The following PARD3B variants were observed in gnomAD, a reference collection of about 807,000 sequenced individuals.
PARD3B encodes the protein par-3 family cell polarity regulator beta.
Under a neutral mutation model 130.2 loss-of-function variants are expected in PARD3B, and 103 were observed. That is an observed-to-expected ratio of 0.79 (90% CI 0.67 to 0.93). The LOEUF is 0.93. Among genes scored for constraint, PARD3B ranks in the 40% least tolerant of loss-of-function variants. The pLI is 0.00. For synonymous variants in PARD3B, 583 were observed against 553.2 expected (o/e 1.05, Z -0.76); for missense variants, 1,609 against 1,499.2 (o/e 1.07, Z -1.21).
At chr2:204,876,997 A>G (rs2045869791) in intron 2 of PARD3B, among the ~76,000 whole-genome samples, 1 of 152,272 alleles carries the variant, frequency 6.6e-6, no homozygotes, top group Non-Finnish European at 1.5e-5. Flanking sequence ...AGGAATCGCC[A>G]CACACTCTAG....
At chr2:205,437,786 C>T (rs971430237) in intron 19 of PARD3B, among the ~76,000 whole-genome samples, 10 of 152,070 alleles carry the variant, frequency 6.6e-5, no homozygotes, top group South Asian at 2.1e-4. Context: ...ACAATTCAAA[C>T]GCAGTTTGCT....
rs11904369 is a variant in PARD3B, at chr2:205,212,375, C to T, written c.2140+19055C>T. Among the ~76,000 whole-genome samples the T allele has an allele frequency of 2.8e-3, 426 of 152,188 alleles. 2 individuals are homozygous for T. The highest frequency in any genetic ancestry group is 8.9e-3 in the African/African-American group (369 of 41,558). ...TGTAATAAATGCAGCATTTCCCAAACTCATTTGATCACAGAAACTTTGAGT... is the reference window on the plus strand; with the variant it reads ...TGTAATAAATGCAGCATTTCCCAAATTCATTTGATCACAGAAACTTTGAGT... On this transcript the variant is annotated intron_variant, in intron 15 of 22. Transcript: ENST00000406610.
At chr2:204,937,170 CTG>C (rs1038714317) in intron 2 of PARD3B, among the ~76,000 whole-genome samples, 32 of 152,236 alleles carry the variant, frequency 2.1e-4, no homozygotes, top group African/African-American at 7.5e-4. Flanking sequence ...GAGAGAAAGA[CTG>C]AGACTTGCTT....
chr2:204,725,557 TA>T (rs2039185820), intron 2 of PARD3B, among the ~76,000 whole-genome samples: 1 of 152,192 alleles, frequency 6.6e-6, no homozygotes, highest in African/African-American at 2.4e-5. Context: ...TTCTTTTCCA[TA>T]ATGGTGTCAT....
At chr2:205,509,137 C>G (rs535443318) in intron 21 of PARD3B, among the ~76,000 whole-genome samples, 15 of 152,124 alleles carry the variant, frequency 9.9e-5, no homozygotes, top group African/African-American at 2.7e-4. Context: ...AACATGTTTA[C>G]AGGCAGTCCC....
intron 22 of PARD3B, among the ~76,000 whole-genome samples, chr2:205,556,613 C>A (rs1489678132): frequency 3.3e-5 from 5 of 152,188 alleles, no homozygotes; most frequent in Non-Finnish European, 5.9e-5. Flanking sequence ...CTCCTGCCTC[C>A]TAAGAAAAAT....
chr2:204,627,669 G>GT (rs1022207714), intron 1 of PARD3B, among the ~76,000 whole-genome samples: 2 of 151,996 alleles, frequency 1.3e-5, no homozygotes, highest in Admixed American at 6.6e-5. Flanking sequence ...TTTATTGATA[G>GT]TTTTTTTCCC....
chr2:205,048,568 T>C (rs775751094), intron 4 of PARD3B: 8 of 152,202 alleles, frequency 5.3e-5, no homozygotes, highest in Non-Finnish European at 1.0e-4. Context: ...AGACTCTTTC[T>C]CACTTTAAGT....
chr2:205,379,820 A>C (rs1384582129), intron 18 of PARD3B, among the ~76,000 whole-genome samples: 3 of 152,022 alleles, frequency 2.0e-5, no homozygotes, highest in East Asian at 1.9e-4. Flanking sequence ...TTATAATCCC[A>C]GCACTTTGTG....
intron 2 of PARD3B, among the ~76,000 whole-genome samples, chr2:204,874,021 T>C (rs969607097): frequency 2.0e-5 from 3 of 152,104 alleles, no homozygotes; most frequent in African/African-American, 7.2e-5. Context: ...CGGGTACCTG[T>C]AATCCCAGCT....
intron 16 of PARD3B, among the ~76,000 whole-genome samples, chr2:205,254,331 G>A (rs115047965): frequency 0.014 from 2,109 of 152,146 alleles, 47 homozygotes; most frequent in African/African-American, 0.048. Flanking sequence ...TGGAAAATCT[G>A]AAGGTGAGCT....
intron 21 of PARD3B, among the ~76,000 whole-genome samples, chr2:205,539,469 A>G (rs528570608): frequency 5.8e-4 from 88 of 152,282 alleles, no homozygotes; most frequent in African/African-American, 2.0e-3. Flanking sequence ...TAGAGCAGGT[A>G]TGTGCACAGC....
intron 11 of PARD3B, 79 bp from the exon 12 acceptor site, chr2:205,172,132 T>A (rs528049906): frequency 7.1e-7 from 1 of 1,412,536 alleles, no homozygotes; most frequent in East Asian, 2.3e-5. Flanking sequence ...ATTTTTAAAC[T>A]TGAACTTTTC....
chr2:205,039,496 A>G (rs1575612300), intron 3 of PARD3B, among the ~76,000 whole-genome samples: 1 of 151,874 alleles, frequency 6.6e-6, no homozygotes, highest in African/African-American at 2.4e-5. Flanking sequence ...TTGAGACGGA[A>G]TCTCGCTTTG....
intron 16 of PARD3B, among the ~76,000 whole-genome samples, chr2:205,285,647 T>A (rs1240490222): frequency 6.6e-6 from 1 of 152,176 alleles, no homozygotes; most frequent in Non-Finnish European, 1.5e-5. Flanking sequence ...GCCGATGTTC[T>A]CCGCTGTCGC....
At chr2:204,695,423 G>GTATTGA (rs1427211391) in intron 2 of PARD3B, among the ~76,000 whole-genome samples, 1 of 152,006 alleles carries the variant, frequency 6.6e-6, no homozygotes, top group East Asian at 1.9e-4. Flanking sequence ...GTACCTGTGT[G>GTATTGA]TATTGATTCA....
intron 20 of PARD3B, among the ~76,000 whole-genome samples, chr2:205,490,445 A>G (rs1203815160): frequency 6.6e-6 from 1 of 152,178 alleles, no homozygotes; most frequent in African/African-American, 2.4e-5. Flanking sequence ...ACATGAATTC[A>G]TCATTTTTTA....
intron 1 of PARD3B, among the ~76,000 whole-genome samples, chr2:204,634,860 A>G (rs1386155688): frequency 1.3e-5 from 2 of 152,146 alleles, no homozygotes; most frequent in African/African-American, 2.4e-5. Context: ...ATATTCTTCC[A>G]TTCTTTCTTC....
rs575124445 is a variant in PARD3B, at chr2:204,728,419, T to C, written c.222+42137T>C. Among the ~76,000 whole-genome samples, 5 of 152,188 alleles carry C rather than the reference T, an allele frequency of 3.3e-5. No homozygotes were observed. In the South Asian group the frequency reaches 1.0e-3, roughly 32 times the overall value. ...GAAGAAGAAATCCTACACAAGTTCA[T>C]GTGTAATGGGCCAGCTGGGCTGTGT... On this transcript the variant is annotated intron_variant, in intron 2 of 22. Transcript: ENST00000406610.
Sources: gnomAD v4.1 joint callset for allele counts (sites outside exome capture counted in the v4.1 genomes callset) on GRCh38, gnomAD v4.1.1 for gene constraint, MANE v1.5 for transcripts, NCBI Gene and HGNC (gene_info 2026-07-23, HGNC 2026-07-21) for gene names.